The following CHCHD6 variants were observed in gnomAD, a reference collection of about 807,000 sequenced individuals.
CHCHD6 encodes coiled-coil-helix-coiled-coil-helix domain containing 6.
A neutral mutation model predicts 32.3 loss-of-function variants in CHCHD6; 28 were observed. That is an observed-to-expected ratio of 0.87 (90% confidence interval 0.64 to 1.19). CHCHD6 has a LOEUF of 1.19. Among genes scored for constraint, CHCHD6 ranks in the 50% most tolerant of loss-of-function variants. The pLI is 0.00. For missense variants in CHCHD6, 333 were observed against 307.0 expected (o/e 1.08, Z -0.63); for synonymous variants, 122 against 117.5 (o/e 1.04, Z -0.25).
chr3:126,881,742 T>G (rs762852830), intron 5 of CHCHD6, among the ~76,000 whole-genome samples: 8 of 152,242 alleles, frequency 5.3e-5, no homozygotes, highest in Non-Finnish European at 8.8e-5. Context: ...TTGCACTTAA[T>G]GACTATTGAT....
At chr3:126,895,936 G>T (rs1248056316) in intron 5 of CHCHD6, among the ~76,000 whole-genome samples, 1 of 152,242 alleles carries the variant, frequency 6.6e-6, no homozygotes, top group East Asian at 1.9e-4. Flanking sequence ...TCACTGCCAA[G>T]CCTCTGGCTT....
Position 126,730,623 on chromosome 3 carries a change from G to A in CHCHD6, c.259G>A (p.Val87Ile), listed in dbSNP as rs1935751360. Residue 87 changes from valine to isoleucine, a missense_variant, in exon 3 of 8, where the codon GTC becomes ATC. By Grantham distance (29) the Val-to-Ile change is conservative. Transcript: ENST00000290913. The part of the protein sequence containing the change: ...GQQPSGMKEG[V>I]KRYEQEHAAI... ...GCAGCCCTCAGGGATGAAGGAGGGT[G>A]TCAAGAGGTGAGCCCGAGAGCCTGC... The A allele has an allele frequency of 3.7e-6, 6 of 1,613,768 alleles. No homozygotes were observed. Among genetic ancestry groups the A allele is most frequent in the Non-Finnish European group, 3.4e-6 (4 of 1,179,816 alleles).
chr3:126,925,575 A>G (rs1315989874), intron 6 of CHCHD6, among the ~76,000 whole-genome samples: 2 of 152,282 alleles, frequency 1.3e-5, no homozygotes, highest in Admixed American at 1.3e-4. Flanking sequence ...TCATCTGACC[A>G]TGAGCCGCAG....
At chr3:126,942,278 C>G (rs1021873971) in intron 6 of CHCHD6, among the ~76,000 whole-genome samples, 1 of 152,104 alleles carries the variant, frequency 6.6e-6, no homozygotes, top group Non-Finnish European at 1.5e-5. Flanking sequence ...CCTTATTTTC[C>G]CTTTGTGTTT....
intron 4 of CHCHD6, among the ~76,000 whole-genome samples, chr3:126,759,612 C>T (rs1300114818): frequency 1.8e-4 from 27 of 152,128 alleles, no homozygotes; most frequent in Admixed American, 1.8e-3. Flanking sequence ...CTGATCTTTT[C>T]CTCATGATGA....
chr3:126,923,317 C>T (rs1182592049), intron 6 of CHCHD6, among the ~76,000 whole-genome samples: 1 of 152,192 alleles, frequency 6.6e-6, no homozygotes, highest in African/African-American at 2.4e-5. Context: ...ACAAATTGCT[C>T]TGTTTAAAAT....
At chr3:126,827,028 G>C (rs988778058) in intron 4 of CHCHD6, among the ~76,000 whole-genome samples, 2 of 152,190 alleles carry the variant, frequency 1.3e-5, no homozygotes, top group Admixed American at 1.3e-4. Flanking sequence ...AGGGAGGAGA[G>C]AACCAAGTAG....
intron 4 of CHCHD6, among the ~76,000 whole-genome samples, chr3:126,745,683 G>A (rs151329767): frequency 1.6e-4 from 24 of 152,246 alleles, no homozygotes; most frequent in African/African-American, 5.1e-4. Context: ...TTCAGGCTTC[G>A]GAGGCCCCTG....
chr3:126,915,208 G>A (rs762148578), intron 6 of CHCHD6, among the ~76,000 whole-genome samples: 12 of 152,220 alleles, frequency 7.9e-5, no homozygotes, highest in Non-Finnish European at 1.8e-4. Flanking sequence ...AGTCATGCTC[G>A]GGGTGGCCCA....
At chr3:126,958,249 G>T (rs1423719335) in intron 7 of CHCHD6, among the ~76,000 whole-genome samples, 1 of 151,534 alleles carries the variant, frequency 6.6e-6, no homozygotes, top group Non-Finnish European at 1.5e-5. Context: ...GCTGTTCCCA[G>T]CCATACCTCA....
At chr3:126,842,695 C>A in intron 4 of CHCHD6, among the ~76,000 whole-genome samples, 1 of 152,102 alleles carries the variant, frequency 6.6e-6, no homozygotes, top group Middle Eastern at 3.4e-3. Flanking sequence ...AAACGTAGAA[C>A]TTTTATTCTT....
At chr3:126,789,034 T>C (rs997181261) in intron 4 of CHCHD6, among the ~76,000 whole-genome samples, 1 of 152,194 alleles carries the variant, frequency 6.6e-6, no homozygotes, top group African/African-American at 2.4e-5. Flanking sequence ...TTTGTTCTCA[T>C]TGGTTTCAAA....
intron 5 of CHCHD6, among the ~76,000 whole-genome samples, chr3:126,885,412 C>G (rs1297874998): frequency 6.6e-6 from 1 of 152,160 alleles, no homozygotes; most frequent in East Asian, 1.9e-4. Flanking sequence ...GAGAACTGAG[C>G]CCCGTTTTAC....
chr3:126,838,713 AC>A (rs1373057157), intron 4 of CHCHD6, among the ~76,000 whole-genome samples: 1 of 152,114 alleles, frequency 6.6e-6, no homozygotes, highest in Non-Finnish European at 1.5e-5. Context: ...ATCACAGCAA[AC>A]CCTTATGGCA....
chr3:126,858,732 G>A (rs1010522482), intron 5 of CHCHD6, among the ~76,000 whole-genome samples: 11 of 152,314 alleles, frequency 7.2e-5, no homozygotes, highest in South Asian at 4.1e-4. Context: ...CACCCGGCCC[G>A]CTGGGCTCTT....
chr3:126,761,067 C>T (rs552029778), intron 4 of CHCHD6, among the ~76,000 whole-genome samples: 13 of 152,286 alleles, frequency 8.5e-5, no homozygotes, highest in Non-Finnish European at 1.5e-4. Context: ...TCCTGGCAAG[C>T]GATCCTCCTG....
At chr3:126,716,799 G>A (rs1935038988) in intron 1 of CHCHD6, among the ~76,000 whole-genome samples, 1 of 151,622 alleles carries the variant, frequency 6.6e-6, no homozygotes, top group Non-Finnish European at 1.5e-5. Context: ...GGGAGGGACG[G>A]TGCTGGCAGG....
intron 4 of CHCHD6, among the ~76,000 whole-genome samples, chr3:126,782,785 C>T (rs1298360531): frequency 6.6e-6 from 1 of 152,144 alleles, no homozygotes; most frequent in Non-Finnish European, 1.5e-5. Flanking sequence ...ACTGTCTTGC[C>T]AGGAATCAGG....
At chr3:126,791,852 C>G (rs1231165413) in intron 4 of CHCHD6, among the ~76,000 whole-genome samples, 1 of 152,226 alleles carries the variant, frequency 6.6e-6, no homozygotes, top group Non-Finnish European at 1.5e-5. Context: ...CTCAGGCGAT[C>G]CACCTGCCTT....
Sources: allele counts gnomAD v4.1 joint callset (sites outside exome capture counted in the v4.1 genomes callset), GRCh38; gene constraint gnomAD v4.1.1; transcripts MANE v1.5; gene names NCBI Gene and HGNC (gene_info 2026-07-23, HGNC 2026-07-21).